The following SLC5A12 variants were observed in gnomAD, a reference collection of about 807,000 sequenced individuals.
SLC5A12 encodes the protein sodium-coupled monocarboxylate transporter 2.
In SLC5A12, 46 loss-of-function variants were observed where a neutral mutation model predicts 72.7. The observed-to-expected ratio is 0.63, with a 90% CI of 0.50 to 0.81. The LOEUF (loss-of-function observed/expected upper bound fraction) is 0.81, where lower values mean the gene tolerates loss of function less well. Ranked by LOEUF, SLC5A12 falls within the 30% of genes least tolerant of loss-of-function variation. SLC5A12 has a pLI of 0.00. For missense variants in SLC5A12, 683 were observed against 740.7 expected (o/e 0.92, Z 0.90); for synonymous variants, 275 against 264.4 (o/e 1.04, Z -0.39).
intron 4 of SLC5A12, among the ~76,000 whole-genome samples, chr11:26,705,791 A>C (rs963799562): frequency 6.6e-6 from 1 of 152,088 alleles, no homozygotes; most frequent in Non-Finnish European, 1.5e-5. Context: ...GGTTGTGCAG[A>C]AATCTGCATA....
rs571386462 is a variant in SLC5A12 at position 26,707,852 on chromosome 11, T to A, written c.525+1460A>T. Among the ~76,000 whole-genome samples the A allele has an allele frequency of 2.6e-5, 4 of 152,154 alleles. No individual in the cohort carries two copies. In the East Asian group the frequency reaches 7.7e-4, roughly 29 times the overall value. ...TCTTTATCTGTGTGTAAATATCTTA[T>A]AGTCTTCAGTTGGATTATTCCTCCA... is the stretch of plus-strand genomic sequence containing the variant. On this transcript the variant is annotated intron_variant, in intron 4 of 14. Transcript: ENST00000396005.
At chr11:26,716,530 T>C (rs1855352992) in intron 1 of SLC5A12, among the ~76,000 whole-genome samples, 1 of 152,200 alleles carries the variant, frequency 6.6e-6, no homozygotes, top group Non-Finnish European at 1.5e-5. Flanking sequence ...TCATGCCTGC[T>C]TGTAAAAATA....
In SLC5A12 at chr11:26,680,393, T is replaced by TA. The variant is rs1565185813; in HGVS notation, c.1475+661_1475+662insT. 2.4e-3 allele frequency among the ~76,000 whole-genome samples: 154 copies of TA among 65,016 alleles called. 5 individuals carry two copies. The highest frequency in any genetic ancestry group is 5.4e-3 in the Non-Finnish European group (124 of 23,150). The allele number at this position is 65,016 out of a possible 152,430, so 42.7% of individuals were successfully genotyped here. On this transcript the variant is annotated intron_variant, in intron 12 of 14. Transcript: ENST00000396005. ...TATTCATATATATATGTATATATATTCATATATATATATATATTTCCTCAT... is the reference window on the plus strand; with the variant it reads ...TATTCATATATATATGTATATATATTACATATATATATATATATTTCCTCAT...
At chr11:26,676,562 C>G (rs957523140) in intron 13 of SLC5A12, among the ~76,000 whole-genome samples, 7 of 152,036 alleles carry the variant, frequency 4.6e-5, no homozygotes, top group African/African-American at 1.4e-4. Flanking sequence ...GCATCAATCT[C>G]TATATACTGT....
At chr11:26,681,321 C>T in intron 11 of SLC5A12, 100 bp from the exon 12 acceptor site, 1 of 1,025,322 alleles carries the variant, frequency 9.8e-7, no homozygotes. Flanking sequence ...TCTGGCTTTC[C>T]ATCCCAAATC....
At chr11:26,682,931 A>T (rs1013287810) in intron 11 of SLC5A12, among the ~76,000 whole-genome samples, 9 of 152,150 alleles carry the variant, frequency 5.9e-5, no homozygotes, top group African/African-American at 2.2e-4. Flanking sequence ...CACAGGATTT[A>T]TCTAAGAGAA....
At chr11:26,694,818 T>G (rs1854771047) in intron 8 of SLC5A12, among the ~76,000 whole-genome samples, 1 of 152,198 alleles carries the variant, frequency 6.6e-6, no homozygotes, top group Non-Finnish European at 1.5e-5. Flanking sequence ...TACATGCATT[T>G]TATTCTTCTA....
intron 6 of SLC5A12, 92 bp downstream of exon 6, chr11:26,703,439 C>A: frequency 7.3e-7 from 1 of 1,363,672 alleles, no homozygotes. Flanking sequence ...CACACACACA[C>A]ACACACACCC....
intron 4 of SLC5A12, among the ~76,000 whole-genome samples, chr11:26,707,902 C>A (rs994627827): frequency 2.0e-5 from 3 of 151,916 alleles, no homozygotes; most frequent in Admixed American, 1.3e-4. Context: ...TTTTTCCTTG[C>A]AAAATCTGAA....
At chr11:26,672,984 G>A (rs1179204157) in intron 14 of SLC5A12, among the ~76,000 whole-genome samples, 2 of 152,088 alleles carry the variant, frequency 1.3e-5, no homozygotes, top group Non-Finnish European at 2.9e-5. Context: ...TGGAGTTGAG[G>A]AGTTAAATAA....
In SLC5A12 at chr11:26,667,817, A is replaced by G. The variant is rs770742276; in HGVS notation, c.*3285T>C. 2.6e-5 allele frequency: 4 copies of G among 151,994 alleles called. No homozygotes were observed. The highest frequency in any genetic ancestry group is 4.4e-5 in the Non-Finnish European group (3 of 67,954). 9.4% of individuals were successfully genotyped at this position (151,994 alleles called of 1,614,324 possible). A position where few individuals can be genotyped will look rare whatever the true frequency, so the allele number is the denominator to read the frequency against. ...GAAATTTAGGCATGACTTTTAATGTATACATTCTGTTTTTCTTATTATTTC... is the reference window on the plus strand; with the variant it reads ...GAAATTTAGGCATGACTTTTAATGTGTACATTCTGTTTTTCTTATTATTTC... On this transcript the variant is annotated 3_prime_UTR_variant, in exon 15 of 15. Coordinates refer to ENST00000396005, the MANE Select transcript of SLC5A12 (RefSeq NM_178498.4).
At chr11:26,708,903 C>G (rs1241290957) in intron 4 of SLC5A12, among the ~76,000 whole-genome samples, 1 of 152,054 alleles carries the variant, frequency 6.6e-6, no homozygotes, top group Admixed American at 6.6e-5. Flanking sequence ...TCACTGCTCA[C>G]TTGTATGTAC....
Position 26,669,540 on chromosome 11 carries a change from TA to T in SLC5A12, c.*1561del, listed in dbSNP as rs916256295. On this transcript the variant is annotated 3_prime_UTR_variant, in exon 15 of 15. Coordinates refer to ENST00000396005, the MANE Select transcript of SLC5A12 (RefSeq NM_178498.4). ...CTCATCTCTCTTATAAACTGTAGCCTAATACCTTCTTTCTCTTTCTCCATTC... is the reference window on the plus strand; with the variant it reads ...CTCATCTCTCTTATAAACTGTAGCCTATACCTTCTTTCTCTTTCTCCATTC... 1 of 151,992 alleles carries T rather than the reference TA, an allele frequency of 6.6e-6. No homozygotes were observed. The highest frequency in any genetic ancestry group is 1.5e-5 in the Non-Finnish European group (1 of 67,978). 9.4% of individuals were successfully genotyped at this position (151,992 alleles called of 1,614,324 possible). A position where few individuals can be genotyped will look rare whatever the true frequency, so the allele number is the denominator to read the frequency against.
intron 2 of SLC5A12, among the ~76,000 whole-genome samples, chr11:26,711,985 A>G (rs946043410): frequency 3.2e-4 from 48 of 152,244 alleles, no homozygotes; most frequent in Non-Finnish European, 1.0e-4. Flanking sequence ...ATCTATGGGC[A>G]GGTAAAGGAG....
chr11:26,719,709 T>C (rs902288601), intron 1 of SLC5A12, among the ~76,000 whole-genome samples: 2 of 152,182 alleles, frequency 1.3e-5, no homozygotes, highest in African/African-American at 4.8e-5. Flanking sequence ...CCAGTCTCCA[T>C]TTAGACGTCT....
chr11:26,694,097 C>T (rs965565906), intron 8 of SLC5A12, among the ~76,000 whole-genome samples: 1 of 152,116 alleles, frequency 6.6e-6, no homozygotes, highest in African/African-American at 2.4e-5. Flanking sequence ...GTTTGTACAA[C>T]CTCTGCAGGG....
intron 10 of SLC5A12, among the ~76,000 whole-genome samples, chr11:26,686,231 C>A (rs1393133324): frequency 1.3e-5 from 2 of 152,116 alleles, no homozygotes; most frequent in Non-Finnish European, 2.9e-5. Context: ...TAGTTTTAAT[C>A]GTTTCTCCTT....
chr11:26,721,585 C>A lies in SLC5A12; in HGVS notation c.130G>T (p.Gly44Trp). The change falls in exon 1 of 15, where the codon GGG (glycine) becomes TGG (tryptophan). Residue 44 changes from glycine (G) to tryptophan (W), a missense_variant. Physicochemically the swap from Gly to Trp is radical, Grantham distance 184. Transcript: ENST00000396005. ...KKATSREFLVGGRQMSFGPVG... is the reference protein window; with the variant it reads ...KKATSREFLVWGRQMSFGPVG... ...GGGCCAAAGCTCATTTGCCTTCCCC[C>A]AACCAGGAACTCTCGGGAAGTTGCC... is the stretch of plus-strand genomic sequence containing the variant. 6.2e-7 allele frequency: 1 copy of A among 1,614,160 alleles called. No homozygotes were observed. Among genetic ancestry groups the A allele is most frequent in the Non-Finnish European group, 8.5e-7 (1 of 1,180,040 alleles).
chr11:26,685,582 T>C (rs765861707), intron 10 of SLC5A12, among the ~76,000 whole-genome samples: 5 of 151,020 alleles, frequency 3.3e-5, no homozygotes, highest in Non-Finnish European at 7.4e-5. Context: ...TAATCCAGCC[T>C]GGGTGACAGA....
Sources: gnomAD v4.1 joint callset for allele counts (sites outside exome capture counted in the v4.1 genomes callset) on GRCh38, gnomAD v4.1.1 for gene constraint, MANE v1.5 for transcripts, NCBI Gene and HGNC (gene_info 2026-07-23, HGNC 2026-07-21) for gene names.